MAD1L1: variants seen among roughly 807,000 people sequenced by gnomAD.
The protein encoded by MAD1L1 is mitotic spindle assembly checkpoint protein MAD1.
MAD1L1 carries 95 observed loss-of-function variants against 96.9 expected under a neutral mutation model. The ratio of observed to expected loss-of-function variants is 0.98; its 90% CI spans 0.83 to 1.16. MAD1L1 has a LOEUF of 1.16. MAD1L1 is among the 50% of genes most tolerant of loss of function. The probability of loss-of-function intolerance (pLI) is 0.00; values close to 1 mark genes in which losing one functional copy is unlikely to be tolerated. For missense variants in MAD1L1, 1,007 were observed against 954.4 expected (o/e 1.06, Z -0.73); for synonymous variants, 473 against 396.6 (o/e 1.19, Z -2.29).
chr7:2,048,829 C>T (rs902451027), intron 12 of MAD1L1, among the ~76,000 whole-genome samples: 1 of 152,228 alleles, frequency 6.6e-6, no homozygotes, highest in African/African-American at 2.4e-5. Context: ...CCACCACTCC[C>T]ACTTCCCCAA....
intron 18 of MAD1L1, among the ~76,000 whole-genome samples, chr7:1,885,563 G>A (rs113599450): frequency 0.011 from 1,612 of 152,274 alleles, 11 homozygotes; most frequent in Non-Finnish European, 0.019. Flanking sequence ...TCCCACGGTG[G>A]GCCGCTGTAG....
At chr7:2,002,307 A>T (rs538625843) in intron 13 of MAD1L1, among the ~76,000 whole-genome samples, 186 bp from the exon 14 acceptor site, 5 of 152,286 alleles carry the variant, frequency 3.3e-5, no homozygotes, top group African/African-American at 1.2e-4. Context: ...CGAGGCCGAG[A>T]GCCCAGTGAT....
At chr7:1,895,043 G>A (rs1319543957) in intron 18 of MAD1L1, among the ~76,000 whole-genome samples, 1 of 152,174 alleles carries the variant, frequency 6.6e-6, no homozygotes, top group Non-Finnish European at 1.5e-5. Context: ...TGTCCTAGGA[G>A]GGAAGCCAGC....
intron 11 of MAD1L1, among the ~76,000 whole-genome samples, chr7:2,111,823 A>G (rs1253485283): frequency 1.3e-5 from 2 of 152,252 alleles, no homozygotes; most frequent in Non-Finnish European, 2.9e-5. Flanking sequence ...GCGAACGCAC[A>G]CACCGGATGC....
chr7:1,817,148 A>C lies in MAD1L1; in HGVS notation c.1999-920T>G, dbSNP rs960464883. The C allele has an allele frequency of 1.9e-4, 29 of 152,178 alleles. 1 individual carries two copies. The highest frequency in any genetic ancestry group is 7.0e-4 in the African/African-American group (29 of 41,454). 9.4% of individuals were successfully genotyped at this position (152,178 alleles called of 1,614,324 possible). Reference sequence around the variant, plus strand: ...AACGTGAACCGCAACTGAGCGAGACACGGAGCCGCCTCGCGCCGACGGCCA... The same window carrying C: ...AACGTGAACCGCAACTGAGCGAGACCCGGAGCCGCCTCGCGCCGACGGCCA... On this transcript the variant is annotated intron_variant, in intron 18 of 18. Coordinates refer to ENST00000265854, the MANE Select transcript of MAD1L1 (RefSeq NM_001013836.2).
intron 12 of MAD1L1, among the ~76,000 whole-genome samples, chr7:2,036,912 C>T (rs981207639): frequency 6.6e-6 from 1 of 152,170 alleles, no homozygotes; most frequent in African/African-American, 2.4e-5. Flanking sequence ...CCCACCAACG[C>T]GCACGAGGCA....
At chr7:1,856,698 C>T (rs1054208270) in intron 18 of MAD1L1, among the ~76,000 whole-genome samples, 9 of 152,184 alleles carry the variant, frequency 5.9e-5, no homozygotes, top group African/African-American at 2.2e-4. Flanking sequence ...GATGGCATAG[C>T]CCCGCCGCGC....
chr7:2,181,827 T>G, intron 10 of MAD1L1, among the ~76,000 whole-genome samples: 1 of 152,152 alleles, frequency 6.6e-6, no homozygotes, highest in African/African-American at 2.4e-5. Flanking sequence ...TATATATATA[T>G]ATCATAGAAT....
At chr7:2,164,260 C>T (rs33959324) in intron 10 of MAD1L1, among the ~76,000 whole-genome samples, 33,665 of 152,108 alleles carry the variant, frequency 0.22, 3,917 homozygotes, top group Middle Eastern at 0.36. Context: ...TCCAGAGTGC[C>T]GACTGATGCA....
chr7:2,232,052 T>C (rs1347518251), intron 1 of MAD1L1, among the ~76,000 whole-genome samples: 1 of 152,174 alleles, frequency 6.6e-6, no homozygotes, highest in African/African-American at 2.4e-5. Flanking sequence ...GATTGGAACT[T>C]GGGTCTGTCT....
chr7:2,051,961 G>A (rs956191422), intron 12 of MAD1L1, among the ~76,000 whole-genome samples: 10 of 152,106 alleles, frequency 6.6e-5, no homozygotes, highest in African/African-American at 1.4e-4. Context: ...AAGGGCAAGC[G>A]TCCTCTGGGA....
At chr7:2,215,355 G>A (rs927408014) in intron 9 of MAD1L1, among the ~76,000 whole-genome samples, 2 of 148,566 alleles carry the variant, frequency 1.3e-5, no homozygotes, top group African/African-American at 5.0e-5. Flanking sequence ...TCCAGCCTGG[G>A]GACAGGGCGA....
At chr7:1,882,700 A>G (rs1162721756) in intron 18 of MAD1L1, among the ~76,000 whole-genome samples, 1 of 152,184 alleles carries the variant, frequency 6.6e-6, no homozygotes, top group East Asian at 1.9e-4. Context: ...TGGGCATGAC[A>G]TGGGCTCCAG....
Position 1,936,800 on chromosome 7 carries a change from T to G in MAD1L1, c.1694A>C (p.Gln565Pro). ...CCCGCGCAGTCGCTCGCACTCCGCC[T>G]GCAGCTGGCTGTGGTCCTCGCGCAG... ...QRLREDHSQL[Q>P]AECERLRGLL... is the part of the protein sequence containing the mutation. The change falls in exon 17 of 19, where the codon CAG becomes CCG. Residue 565 changes from glutamine to proline, a missense_variant. Physicochemically the swap from Gln to Pro is moderately conservative, Grantham distance 76. Transcript: ENST00000265854. 2 of 1,592,782 alleles carry G rather than the reference T, an allele frequency of 1.3e-6. No homozygotes were observed. The highest frequency in any genetic ancestry group is 1.7e-6 in the Non-Finnish European group (2 of 1,170,600).
intron 12 of MAD1L1, among the ~76,000 whole-genome samples, chr7:2,026,719 G>C (rs988522166): frequency 1.3e-5 from 2 of 152,080 alleles, no homozygotes; most frequent in East Asian, 3.8e-4. Context: ...AATCACAATG[G>C]AAATTGATAA....
intron 17 of MAD1L1, among the ~76,000 whole-genome samples, chr7:1,900,111 C>T (rs1787151891): frequency 6.6e-6 from 1 of 152,180 alleles, no homozygotes; most frequent in Admixed American, 6.5e-5. Context: ...GGCGTGAGCT[C>T]AGTCGAGCAG....
intron 12 of MAD1L1, among the ~76,000 whole-genome samples, chr7:2,042,918 C>T (rs1298585815): frequency 2.0e-5 from 3 of 151,592 alleles, no homozygotes; most frequent in African/African-American, 4.9e-5. Flanking sequence ...TCCACGTCCA[C>T]GTCCACATCA....
intron 18 of MAD1L1, among the ~76,000 whole-genome samples, chr7:1,893,319 G>C (rs892659354): frequency 1.3e-5 from 2 of 152,010 alleles, no homozygotes; most frequent in Non-Finnish European, 2.9e-5. Context: ...AGTGGCGGGG[G>C]ACTGTGCGGC....
At chr7:1,836,059 C>T (rs1183042897) in intron 18 of MAD1L1, among the ~76,000 whole-genome samples, 1 of 152,114 alleles carries the variant, frequency 6.6e-6, no homozygotes, top group Non-Finnish European at 1.5e-5. Flanking sequence ...TCTCACTCTG[C>T]CGCCCAGGCT....
Sources: allele counts gnomAD v4.1 joint callset (sites outside exome capture counted in the v4.1 genomes callset), GRCh38; gene constraint gnomAD v4.1.1; transcripts MANE v1.5; gene names NCBI Gene and HGNC (gene_info 2026-07-23, HGNC 2026-07-21).